GRM7: variants seen among roughly 807,000 people sequenced by gnomAD.
The protein encoded by GRM7 is metabotropic glutamate receptor 7.
A neutral mutation model predicts 84.5 loss-of-function variants in GRM7; 35 were observed. The observed-to-expected ratio is 0.41, with a 90% CI of 0.32 to 0.55. The LOEUF is 0.55. Among genes scored for constraint, GRM7 ranks in the 20% least tolerant of loss-of-function variants. The probability of loss-of-function intolerance (pLI) is 0.19; values close to 1 mark genes in which losing one functional copy is unlikely to be tolerated. For synonymous variants in GRM7, 487 were observed against 455.1 expected, an observed-to-expected ratio of 1.07 and a Z score of -0.89; for missense variants, 1,003 against 1,194.6, an observed-to-expected ratio of 0.84 and a Z score of 2.36.
chr3:7,050,343 C>G (rs1696948418), intron 1 of GRM7, among the ~76,000 whole-genome samples: 1 of 151,744 alleles, frequency 6.6e-6, no homozygotes, highest in African/African-American at 2.4e-5. Context: ...TCATAAACAC[C>G]CTATAAGAAT....
At chr3:7,064,570 T>A (rs71298409) in intron 1 of GRM7, among the ~76,000 whole-genome samples, 5 of 82,040 alleles carry the variant, frequency 6.1e-5, no homozygotes, top group Admixed American at 1.4e-4. Context: ...TATATATATA[T>A]CACAGTTTCT....
chr3:7,081,700 A>G (rs1468350110), intron 1 of GRM7, among the ~76,000 whole-genome samples: 5 of 152,142 alleles, frequency 3.3e-5, no homozygotes, highest in Non-Finnish European at 7.4e-5. Flanking sequence ...CAGTCTAGTT[A>G]TGAATGCAAA....
intron 6 of GRM7, among the ~76,000 whole-genome samples, chr3:7,454,102 T>G (rs1314556995): frequency 1.2e-5 from 1 of 82,188 alleles, no homozygotes; most frequent in East Asian, 2.4e-4. Flanking sequence ...TCTCTCTCTC[T>G]CTCTCTCTCT....
intron 2 of GRM7, among the ~76,000 whole-genome samples, chr3:7,258,713 A>G (rs1382154255): frequency 6.6e-6 from 1 of 152,248 alleles, no homozygotes; most frequent in Non-Finnish European, 1.5e-5. Context: ...TGGTTTAAAT[A>G]GTAGGCCTAG....
intron 1 of GRM7, among the ~76,000 whole-genome samples, chr3:7,092,008 T>G (rs776685351): frequency 6.6e-6 from 1 of 151,844 alleles, no homozygotes; most frequent in African/African-American, 2.4e-5. Flanking sequence ...TATTTATTAT[T>G]TATTTATTTT....
intron 1 of GRM7, among the ~76,000 whole-genome samples, chr3:7,071,158 T>G (rs147089518): frequency 6.6e-6 from 1 of 152,048 alleles, no homozygotes; most frequent in Non-Finnish European, 1.5e-5. Context: ...TTTCTTCTGT[T>G]TGATTCTTAC....
chr3:7,266,339 C>T (rs1228013300), intron 2 of GRM7, among the ~76,000 whole-genome samples: 1 of 152,112 alleles, frequency 6.6e-6, no homozygotes, highest in Non-Finnish European at 1.5e-5. Context: ...TTGACAGTCA[C>T]CTAAATTACT....
intron 2 of GRM7, among the ~76,000 whole-genome samples, chr3:7,254,069 T>A (rs1184944085): frequency 2.0e-5 from 3 of 152,150 alleles, no homozygotes; most frequent in Admixed American, 6.5e-5. Context: ...GTATCTTCTT[T>A]ATACATCAGG....
chr3:7,280,533 C>T (rs1699217903), intron 2 of GRM7, among the ~76,000 whole-genome samples: 1 of 152,188 alleles, frequency 6.6e-6, no homozygotes, highest in South Asian at 2.1e-4. Flanking sequence ...TGCACTTTAG[C>T]TAATGCATCT....
At chr3:7,395,852 G>A (rs950136288) in intron 4 of GRM7, among the ~76,000 whole-genome samples, 4 of 152,068 alleles carry the variant, frequency 2.6e-5, no homozygotes, top group Non-Finnish European at 5.9e-5. Context: ...ACCATTGTAG[G>A]AAGACTGTAG....
intron 2 of GRM7, among the ~76,000 whole-genome samples, chr3:7,168,200 A>G (rs892326874): frequency 2.7e-4 from 41 of 152,156 alleles, no homozygotes; most frequent in Non-Finnish European, 5.4e-4. Context: ...AACACTTAGC[A>G]CAGTGCCTGG....
chr3:7,414,187 G>C (rs1696062188), intron 4 of GRM7, among the ~76,000 whole-genome samples: 1 of 152,090 alleles, frequency 6.6e-6, no homozygotes, highest in Non-Finnish European at 1.5e-5. Flanking sequence ...TTAAGTATTT[G>C]GGAAGTAAGT....
At chr3:7,598,742 C>T (rs1372161304) in intron 8 of GRM7, among the ~76,000 whole-genome samples, 1 of 152,036 alleles carries the variant, frequency 6.6e-6, no homozygotes, top group Non-Finnish European at 1.5e-5. Flanking sequence ...GGGCTGGGTA[C>T]AGATACTTCT....
At chr3:7,244,523 A>G (rs1165414801) in intron 2 of GRM7, among the ~76,000 whole-genome samples, 1 of 152,124 alleles carries the variant, frequency 6.6e-6, no homozygotes, top group Non-Finnish European at 1.5e-5. Flanking sequence ...GACAGGGCTT[A>G]GAGCTCAAAT....
intron 9 of GRM7, among the ~76,000 whole-genome samples, chr3:7,713,806 T>C (rs1019910738): frequency 2.0e-5 from 3 of 146,522 alleles, no homozygotes; most frequent in African/African-American, 7.5e-5. Flanking sequence ...TTTTTTTTTT[T>C]TTTTTTTTTT....
intron 1 of GRM7, among the ~76,000 whole-genome samples, chr3:7,049,173 A>G (rs942402292): frequency 7.9e-5 from 12 of 152,024 alleles, no homozygotes; most frequent in Non-Finnish European, 1.5e-4. Context: ...AAATAAATGT[A>G]GAGCCAAACC....
intron 8 of GRM7, among the ~76,000 whole-genome samples, chr3:7,593,517 A>C (rs1015069739): frequency 6.6e-6 from 1 of 152,238 alleles, no homozygotes; most frequent in African/African-American, 2.4e-5. Flanking sequence ...AAGATGGGAG[A>C]TAGATCTTAC....
chr3:7,193,224 T>A (rs906480099), intron 2 of GRM7, among the ~76,000 whole-genome samples: 1 of 152,116 alleles, frequency 6.6e-6, no homozygotes, highest in Non-Finnish European at 1.5e-5. Flanking sequence ...GATAGCTGAA[T>A]GAATGAGTGG....
At chr3:6,870,063 A>C (rs1695071432) in intron 1 of GRM7, among the ~76,000 whole-genome samples, 8 of 140,146 alleles carry the variant, frequency 5.7e-5, no homozygotes, top group Non-Finnish European at 4.6e-5. Flanking sequence ...TCCCTTCTCC[A>C]CTCTCTCCTC....
Sources: allele counts gnomAD v4.1 joint callset (sites outside exome capture counted in the v4.1 genomes callset), GRCh38; gene constraint gnomAD v4.1.1; transcripts MANE v1.5; gene names NCBI Gene and HGNC (gene_info 2026-07-23, HGNC 2026-07-21).